TENM1: variants seen among roughly 807,000 people sequenced by gnomAD.
TENM1 encodes the protein teneurin transmembrane protein 1.
Under a neutral mutation model 174.8 loss-of-function variants are expected in TENM1, and 35 were observed. That is an observed-to-expected ratio of 0.20 (90% CI 0.15 to 0.27). TENM1 has a LOEUF of 0.27. TENM1 is among the 10% of genes least tolerant of loss of function. The pLI is 1.00. For missense variants in TENM1, 1,633 were observed against 2,130.1 expected, an observed-to-expected ratio of 0.77 and a Z score of 4.59; for synonymous variants, 781 against 798.7, an observed-to-expected ratio of 0.98 and a Z score of 0.37.
At chrX:124,689,491 G>A (rs1007214543) in intron 5 of TENM1, among the ~76,000 whole-genome samples, 20 of 111,714 alleles carry the variant, frequency 1.8e-4, no homozygotes, top group African/African-American at 6.5e-4. Context: ...TACAAAGCAA[G>A]TGCAATAAAG....
chrX:124,929,741 C>A (rs1202285670), intron 1 of TENM1, among the ~76,000 whole-genome samples: 1 of 111,866 alleles, frequency 8.9e-6, no homozygotes, highest in Admixed American at 9.5e-5. Flanking sequence ...CCTAATTTCC[C>A]ATAAGCTATG....
chrX:124,376,861 G>C (rs1272780126), exon 32 of TENM1: 6 of 110,217 alleles, frequency 5.4e-5, no homozygotes, highest in Non-Finnish European at 7.6e-5. Context: ...TACTAGTCAG[G>C]TCAGCTATGT....
At chrX:124,736,558 A>T (rs1383609628) in intron 4 of TENM1, among the ~76,000 whole-genome samples, 2 of 110,958 alleles carry the variant, frequency 1.8e-5, no homozygotes, top group African/African-American at 6.6e-5. Flanking sequence ...AGAAATGATC[A>T]CTCCTCCTCC....
At chrX:125,109,431 T>C in the TENM1 span, among the ~76,000 whole-genome samples, 1 of 110,420 alleles carries the variant, frequency 9.1e-6, no homozygotes, top group Admixed American at 9.7e-5. Context: ...GTTATATAGG[T>C]AAACGTGTGC....
intron 27 of TENM1, among the ~76,000 whole-genome samples, chrX:124,399,256 T>C (rs916829404): frequency 4.5e-5 from 5 of 111,976 alleles, no homozygotes; most frequent in African/African-American, 1.6e-4. Flanking sequence ...GATAAACCCA[T>C]CTGGTAAGGT....
the TENM1 span, among the ~76,000 whole-genome samples, chrX:124,977,939 A>AGTGTGT: frequency 1.8e-5 from 1 of 55,776 alleles, no homozygotes. Flanking sequence ...GGCTCTGTTT[A>AGTGTGT]GTGTGTGTGT....
chrX:124,961,216 G>A (rs2058647741), intron 1 of TENM1, among the ~76,000 whole-genome samples: 1 of 111,881 alleles, frequency 8.9e-6, no homozygotes, highest in Non-Finnish European at 1.9e-5. Context: ...TCAGTTGATA[G>A]CAACTAATTC....
At chrX:124,715,621 T>C in intron 4 of TENM1, among the ~76,000 whole-genome samples, 1 of 109,665 alleles carries the variant, frequency 9.1e-6, no homozygotes, top group Admixed American at 9.8e-5. Context: ...TTTTTTTTCC[T>C]TTTCTTTTCT....
intron 17 of TENM1, among the ~76,000 whole-genome samples, chrX:124,521,714 G>A (rs765202325): frequency 6.1e-4 from 68 of 112,245 alleles, no homozygotes; most frequent in African/African-American, 1.1e-3. Context: ...CATGAATAGC[G>A]TAGATATTTT....
rs917443149 is a variant in TENM1, at chrX:124,455,936, G to A, written c.3950-2445C>T. Among the ~76,000 whole-genome samples, 7 of 111,429 alleles carry A rather than the reference G, an allele frequency of 6.3e-5. No homozygotes were observed. In the Admixed American group the frequency reaches 6.7e-4, roughly 11 times the overall value. On this transcript the variant is annotated intron_variant, in intron 22 of 31. Coordinates refer to ENST00000422452, the Ensembl canonical transcript of TENM1. ...CTTTACATGTCTTTGCTGATATCAG[G>A]GAGGACAATTCTTTTCCTTGACTAC...
intron 5 of TENM1, 27 bp from the exon 9 acceptor site, chrX:124,671,862 T>A (rs1322127540): frequency 8.3e-7 from 1 of 1,202,685 alleles, no homozygotes; most frequent in Non-Finnish European, 1.1e-6. Context: ...CATACATTAA[T>A]TTATTCCAGA....
At chrX:124,771,455 C>A (rs984104047) in intron 3 of TENM1, among the ~76,000 whole-genome samples, 1 of 112,571 alleles carries the variant, frequency 8.9e-6, no homozygotes, top group Non-Finnish European at 1.9e-5. Flanking sequence ...ATCCCAGATT[C>A]CCATTTCATG....
chrX:125,109,682 G>A, the TENM1 span, among the ~76,000 whole-genome samples: 1 of 111,640 alleles, frequency 9.0e-6, no homozygotes, highest in African/African-American at 3.3e-5. Context: ...TCCCCTGTTT[G>A]AAATGCTATC....
the TENM1 span, among the ~76,000 whole-genome samples, chrX:125,120,526 T>G: frequency 9.0e-6 from 1 of 110,698 alleles, no homozygotes; most frequent in South Asian, 3.9e-4. Context: ...CCATGTGTTC[T>G]TATCTGAACA....
intron 11 of TENM1, among the ~76,000 whole-genome samples, chrX:124,599,387 T>A (rs1490248603): frequency 1.8e-5 from 2 of 110,874 alleles, no homozygotes; most frequent in Non-Finnish European, 3.8e-5. Context: ...GGCAGATGGA[T>A]CTATGGGTCT....
rs184188102 is a variant in TENM1, at chrX:124,398,780, C to T, written c.5391+6251G>A. ...TGAATCAGGTAACCACTACCACAAT[C>T]GTGATAGCATTTCCATCACCCCCAA... On this transcript the variant is annotated intron_variant, in intron 27 of 31. Transcript: ENST00000422452. Among the ~76,000 whole-genome samples, 39 of 111,482 alleles carry T rather than the reference C, an allele frequency of 3.5e-4. No homozygotes were observed. In the East Asian group the frequency reaches 9.9e-3, roughly 28 times the overall value.
At chrX:124,819,606 G>A (rs1251972806) in intron 3 of TENM1, among the ~76,000 whole-genome samples, 1 of 110,642 alleles carries the variant, frequency 9.0e-6, no homozygotes, top group Non-Finnish European at 1.9e-5. Flanking sequence ...GAGAACATAC[G>A]GCGTGAGAGG....
intron 11 of TENM1, among the ~76,000 whole-genome samples, chrX:124,616,389 C>T (rs1283580807): frequency 5.3e-5 from 6 of 112,430 alleles, no homozygotes; most frequent in African/African-American, 1.9e-4. Flanking sequence ...AATGTGTTGT[C>T]CTTGTAATAC....
At chrX:124,740,696 T>C (rs916531526) in intron 3 of TENM1, among the ~76,000 whole-genome samples, 1 of 111,701 alleles carries the variant, frequency 9.0e-6, no homozygotes, top group Non-Finnish European at 1.9e-5. Context: ...GATTCATTCT[T>C]TTTTTCACCT....
Sources: allele counts gnomAD v4.1 joint callset (sites outside exome capture counted in the v4.1 genomes callset), GRCh38; gene constraint gnomAD v4.1.1; transcripts MANE v1.5; gene names NCBI Gene and HGNC (gene_info 2026-07-23, HGNC 2026-07-21).